PFKFB2: variants seen among roughly 807,000 people sequenced by gnomAD.
PFKFB2 encodes the protein 6-phosphofructo-2-kinase/fructose-2,6-biphosphatase 2, also known as 6-phosphofructo-2-kinase/fructose-2,6-bisphosphatase 2.
PFKFB2 carries 53 observed loss-of-function variants against 68.0 expected under a neutral mutation model. The observed-to-expected ratio is 0.78, with a 90% CI of 0.63 to 0.98. PFKFB2 has a LOEUF of 0.98. Ranked by LOEUF, PFKFB2 falls within the 50% of genes least tolerant of loss-of-function variation. The pLI is 0.00. For synonymous variants in PFKFB2, 222 were observed against 227.6 expected (o/e 0.98, Z 0.22); for missense variants, 451 against 642.0 (o/e 0.70, Z 3.22).
At chr1:207,078,863 G>A, downstream of PFKFB2, 1 of 1,039,600 alleles carries the variant, frequency 9.6e-7, no homozygotes. Flanking sequence ...TGAGGGAGGA[G>A]GGAAGGTAGG....
Position 207,074,763 on chromosome 1 carries a change from G to A in PFKFB2, c.*2392G>A, listed in dbSNP as rs1683577477. 3 of 985,340 alleles carry A rather than the reference G, an allele frequency of 3.0e-6. No individual in the cohort carries two copies. Among genetic ancestry groups the A allele is most frequent in the South Asian group, 4.7e-5 (1 of 21,294 alleles). 61.0% of individuals were successfully genotyped at this position (985,340 alleles called of 1,614,324 possible). On this transcript the variant is annotated 3_prime_UTR_variant, in exon 15 of 15. Transcript: ENST00000367080. The stretch of plus-strand genomic sequence containing the variant: ...CTTGTCCAGAGGAAGGTTATTTTAA[G>A]AGACAGGACATGTAATTTATAACAA...
At position 207,077,615 on chromosome 1, in the gene PFKFB2, G is replaced by C. The variant is rs548754678; in HGVS notation, c.*5244G>C. The C allele has an allele frequency of 1.0e-6, 1 of 985,472 alleles. No individual in the cohort carries two copies. Among genetic ancestry groups the C allele is most frequent in the East Asian group, 1.1e-4 (1 of 8,828 alleles). 61.0% of individuals were successfully genotyped at this position (985,472 alleles called of 1,614,324 possible). ...GGTCAGATTGGGAAGCCTAGGAAGA[G>C]AGTTCTACTGTAGATTTCCTAGGCA... is the stretch of plus-strand genomic sequence containing the variant. On this transcript the variant is annotated 3_prime_UTR_variant, in exon 15 of 15. Coordinates refer to ENST00000367080, the MANE Select transcript of PFKFB2 (RefSeq NM_006212.2).
chr1:207,070,447 G>A lies in PFKFB2; in HGVS notation c.1222+38G>A, dbSNP rs1452120490. 6.2e-7 allele frequency: 1 copy of A among 1,605,710 alleles called. No individual in the cohort carries two copies. The highest frequency in any genetic ancestry group is 8.5e-7 in the Non-Finnish European group (1 of 1,174,974). Reference sequence around the variant, plus strand: ...GAGGGGCTGGGAGACACATCCAGTGGGAGAGGGCTGGACTTGCAGTGGCAC... The same window carrying A: ...GAGGGGCTGGGAGACACATCCAGTGAGAGAGGGCTGGACTTGCAGTGGCAC... On this transcript the variant is annotated intron_variant, in intron 12 of 14. Transcript: ENST00000367080. The surrounding 1 kb of genome is among the most constrained non-coding windows in gnomAD (Gnocchi z 4.2).
At chr1:207,050,580 G>GC (rs1178261956), upstream of PFKFB2, 29 of 1,468,966 alleles carry the variant, frequency 2.0e-5, no homozygotes, top group African/African-American at 2.8e-5. Flanking sequence ...TGGCCTCAAA[G>GC]CCCCCCCGCC....
At chr1:207,066,395 G>T (rs1330199000) in intron 8 of PFKFB2, among the ~76,000 whole-genome samples, 2 of 152,194 alleles carry the variant, frequency 1.3e-5, no homozygotes, top group Non-Finnish European at 2.9e-5. Context: ...TAATACAGTG[G>T]TCTGTTTAAT....
intron 2 of PFKFB2, among the ~76,000 whole-genome samples, chr1:207,042,527 G>A (rs146491575): frequency 5.2e-4 from 57 of 109,642 alleles, no homozygotes; most frequent in Non-Finnish European, 7.8e-4. Context: ...CAGCCTGGGC[G>A]ACACAGCAAC....
rs1021837677 is a variant in PFKFB2, at chr1:207,053,285, A to G, written c.-99A>G. ...GGCGACTGTAGCGCCGGTCCCGGCC[A>G]CAAGCTGTCGGCTCGGTTCGGTCGC... is the stretch of plus-strand genomic sequence containing the variant. On this transcript the variant is annotated 5_prime_UTR_variant, in exon 1 of 15. Coordinates refer to ENST00000367080, the MANE Select transcript of PFKFB2 (RefSeq NM_006212.2). The G allele has an allele frequency of 6.5e-6, 1 of 152,784 alleles. No individual in the cohort carries two copies. Among genetic ancestry groups the G allele is most frequent in the South Asian group, 2.1e-4 (1 of 4,852 alleles). The allele number at this position is 152,784 out of a possible 1,614,324, so 9.5% of individuals were successfully genotyped here. A position where few individuals can be genotyped will look rare whatever the true frequency, so the allele number is the denominator to read the frequency against.
Position 207,076,787 on chromosome 1 carries a change from C to CTGAT in PFKFB2, c.*4417_*4420dup. ...GACTGTAGTAGTGTCTGTGTGCTGA[C>CTGAT]TGATAGATAGACTATAGTAAAATTT... On this transcript the variant is annotated 3_prime_UTR_variant, in exon 15 of 15. Transcript: ENST00000367080. The CTGAT allele has an allele frequency of 1.0e-6, 1 of 975,162 alleles. No homozygotes were observed. Among genetic ancestry groups the CTGAT allele is most frequent in the Non-Finnish European group, 1.2e-6 (1 of 825,824 alleles). The allele number at this position is 975,162 out of a possible 1,614,324, so 60.4% of individuals were successfully genotyped here. A position where few individuals can be genotyped will look rare whatever the true frequency, so the allele number is the denominator to read the frequency against.
At position 207,073,441 on chromosome 1, in the gene PFKFB2, C is replaced by T. The variant is rs986262060; in HGVS notation, c.*1070C>T. On this transcript the variant is annotated 3_prime_UTR_variant, in exon 15 of 15. Coordinates refer to ENST00000367080, the MANE Select transcript of PFKFB2 (RefSeq NM_006212.2). The stretch of plus-strand genomic sequence containing the variant: ...CCACTGATGTTTGAGTTGCTCAAGG[C>T]AAGAGGCAGAGAAGAGTTCACTAAA... 1 of 985,394 alleles carries T rather than the reference C, an allele frequency of 1.0e-6. No individual in the cohort carries two copies. Among genetic ancestry groups the T allele is most frequent in the Non-Finnish European group, 1.2e-6 (1 of 829,892 alleles). 61.0% of individuals were successfully genotyped at this position (985,394 alleles called of 1,614,324 possible).
Position 207,072,484 on chromosome 1 carries a change from C to A in PFKFB2, c.*113C>A. ...GTCATTAACTTCCTCCCTCTATGCC[C>A]ACCCCTGACACTTCACCATTAATCT... On this transcript the variant is annotated 3_prime_UTR_variant, in exon 15 of 15. Transcript: ENST00000367080. 6.8e-7 allele frequency: 1 copy of A among 1,479,332 alleles called. No individual in the cohort carries two copies. The highest frequency in any genetic ancestry group is 1.4e-5 in the South Asian group (1 of 70,916). 91.6% of individuals were successfully genotyped at this position (1,479,332 alleles called of 1,614,324 possible).
intron 2 of PFKFB2, chr1:207,045,445 G>T (rs901769150): frequency 6.6e-6 from 1 of 152,404 alleles, no homozygotes; most frequent in African/African-American, 2.4e-5. Flanking sequence ...AGTAGCTCAA[G>T]AATTGTACTT....
At chr1:207,057,095 G>A (rs1682945130) in intron 2 of PFKFB2, among the ~76,000 whole-genome samples, 1 of 151,976 alleles carries the variant, frequency 6.6e-6, no homozygotes, top group Non-Finnish European at 1.5e-5. Flanking sequence ...GGGCGAAGAG[G>A]GGCTACTGGC....
At chr1:207,068,873 A>C (rs543939976) in intron 10 of PFKFB2, among the ~76,000 whole-genome samples, 83 of 151,390 alleles carry the variant, frequency 5.5e-4, no homozygotes, top group African/African-American at 1.8e-3. Flanking sequence ...CAGCCTCCCG[A>C]GTAGCTGGGA....
At chr1:207,048,889 A>T, upstream of PFKFB2, 2 of 810,522 alleles carry the variant, frequency 2.5e-6, no homozygotes, top group South Asian at 1.7e-5. Flanking sequence ...TCAGTGTCTT[A>T]GTGGTTTTAA....
In PFKFB2 at chr1:207,063,978, G is replaced by A; in HGVS notation, c.507+149G>A. 1 of 701,688 alleles carries A rather than the reference G, an allele frequency of 1.4e-6. No homozygotes were observed. The highest frequency in any genetic ancestry group is 2.6e-6 in the Non-Finnish European group (1 of 388,550). The allele number at this position is 701,688 out of a possible 1,614,324, so 43.5% of individuals were successfully genotyped here. ...ATAGACATGTTTAACATCACAAAGAGATCTTTTCTATCTGCCAGAGCCCCA... is the reference window on the plus strand; with the variant it reads ...ATAGACATGTTTAACATCACAAAGAAATCTTTTCTATCTGCCAGAGCCCCA... On this transcript the variant is annotated intron_variant, in intron 7 of 14. Coordinates refer to ENST00000367080, the MANE Select transcript of PFKFB2 (RefSeq NM_006212.2). The surrounding 1 kb of genome is among the most constrained non-coding windows in gnomAD (Gnocchi z 4.1).
At chr1:207,061,121 A>ATATATATCTTTATATATATC (rs1683087419) in intron 2 of PFKFB2, among the ~76,000 whole-genome samples, 1 of 87,612 alleles carries the variant, frequency 1.1e-5, no homozygotes, top group Non-Finnish European at 2.4e-5. Context: ...ATATATCTTT[A>ATATATATCTTTATATATATC]TATATATCTT....
chr1:207,073,679 G>GT lies in PFKFB2; in HGVS notation c.*1309dup, dbSNP rs113744370. 614 of 984,918 alleles carry GT rather than the reference G, an allele frequency of 6.2e-4. 1 individual carries two copies. The highest frequency in any genetic ancestry group is 5.2e-3 in the Middle Eastern group (10 of 1,912). 61.0% of individuals were successfully genotyped at this position (984,918 alleles called of 1,614,324 possible). ...CTTGGAACCCTGTGGGATCTAGCTC[G>GT]TAACTGTTTGTATTTCTCTATTCAC... On this transcript the variant is annotated 3_prime_UTR_variant, in exon 15 of 15. Transcript: ENST00000367080.
At chr1:207,049,516 C>T (rs1286433880), upstream of PFKFB2, 6 of 1,614,130 alleles carry the variant, frequency 3.7e-6, no homozygotes, top group South Asian at 2.2e-5. Context: ...TGCTATGAGG[C>T]GTCTCATCTC....
chr1:207,058,835 GAGTTTA>G (rs1683004445), intron 2 of PFKFB2, among the ~76,000 whole-genome samples: 1 of 152,144 alleles, frequency 6.6e-6, no homozygotes, highest in African/African-American at 2.4e-5. Context: ...AAAGGAAAAT[GAGTTTA>G]AGTTTAAGAA....
Sources: gnomAD v4.1 joint callset for allele counts (sites outside exome capture counted in the v4.1 genomes callset) on GRCh38, gnomAD v4.1.1 for gene constraint, Gnocchi (gnomAD v3.1) non-coding constraint, MANE v1.5 for transcripts, NCBI Gene and HGNC (gene_info 2026-07-23, HGNC 2026-07-21) for gene names.